RIMBP2: variants seen among roughly 807,000 people sequenced by gnomAD.
RIMBP2 encodes RIMS binding protein 2.
In RIMBP2, 48 loss-of-function variants were observed where a neutral mutation model predicts 118.6. That is an observed-to-expected ratio of 0.40 (90% CI 0.32 to 0.51). RIMBP2 has a LOEUF of 0.51. RIMBP2 is among the 20% of genes least tolerant of loss of function. RIMBP2 has a pLI of 0.41. For synonymous variants in RIMBP2, 762 were observed against 742.9 expected, an observed-to-expected ratio of 1.03 and a Z score of -0.42; for missense variants, 1,551 against 1,768.3, an observed-to-expected ratio of 0.88 and a Z score of 2.20.
chr12:130,673,030 A>G (rs1003397061), intron 1 of RIMBP2, among the ~76,000 whole-genome samples: 1 of 89,028 alleles, frequency 1.1e-5, no homozygotes, highest in African/African-American at 3.5e-5. Flanking sequence ...GAGAAAGAAC[A>G]GTCTGTCTCA....
At chr12:130,587,573 G>C (rs1261790232) in intron 2 of RIMBP2, among the ~76,000 whole-genome samples, 1 of 87,148 alleles carries the variant, frequency 1.1e-5, no homozygotes, top group Admixed American at 1.3e-4. Flanking sequence ...GTAAACTATC[G>C]CAAGAACAAA....
At chr12:130,513,937 T>G (rs946585713) in intron 3 of RIMBP2, among the ~76,000 whole-genome samples, 18 of 152,230 alleles carry the variant, frequency 1.2e-4, no homozygotes, top group African/African-American at 4.3e-4. Context: ...TTTCTGCAGG[T>G]TTGCATTGAC....
At chr12:130,680,425 A>G (rs1263250089) in intron 1 of RIMBP2, among the ~76,000 whole-genome samples, 1 of 152,222 alleles carries the variant, frequency 6.6e-6, no homozygotes, top group Non-Finnish European at 1.5e-5. Flanking sequence ...CATGTTGTTC[A>G]GTGAGAAAAG....
chr12:130,575,526 T>C (rs1254498456), intron 2 of RIMBP2, among the ~76,000 whole-genome samples: 1 of 152,208 alleles, frequency 6.6e-6, no homozygotes, highest in Non-Finnish European at 1.5e-5. Flanking sequence ...TTACAGTGTA[T>C]GCATTCACCT....
chr12:130,432,365 A>G (rs1002143354), intron 14 of RIMBP2: 10 of 453,290 alleles, frequency 2.2e-5, no homozygotes, highest in Non-Finnish European at 4.4e-5. Context: ...AGCACTTACT[A>G]CTTGCCAGTT....
intron 1 of RIMBP2, among the ~76,000 whole-genome samples, chr12:130,699,694 A>G (rs1276269082): frequency 2.0e-5 from 3 of 151,994 alleles, no homozygotes; most frequent in South Asian, 4.2e-4. Flanking sequence ...AAACCTGCAC[A>G]TTGTGCACAT....
Position 130,428,237 on chromosome 12 carries a change from A to G in RIMBP2, c.2354T>C (p.Met785Thr). Residue 785 changes from methionine to threonine, a missense_variant, in exon 15 of 23, where the codon ATG (methionine) becomes ACG (threonine). Around this residue, in one of 5 missense-constraint regions of RIMBP2, gnomAD observed 1,038 missense variants for 1,125.1 expected, o/e 0.92. Coordinates refer to ENST00000690449, the MANE Select transcript of RIMBP2 (RefSeq NM_001393629.1). ...EEDEEELYSEMQLEDGGRRRP... is the reference protein window; with the variant it reads ...EEDEEELYSETQLEDGGRRRP... ...CCTCCTTCCCCCATCTTCCAGCTGC[A>G]TTTCAGAATACAGCTCCTCCTCGTC... is the stretch of plus-strand genomic sequence containing the variant. 6.2e-7 allele frequency: 1 copy of G among 1,613,284 alleles called. No individual in the cohort carries two copies. Among genetic ancestry groups the G allele is most frequent in the Non-Finnish European group, 8.5e-7 (1 of 1,179,656 alleles).
intron 17 of RIMBP2, among the ~76,000 whole-genome samples, chr12:130,418,380 C>T (rs578124860): frequency 1.1e-4 from 16 of 152,258 alleles, no homozygotes; most frequent in African/African-American, 3.4e-4. Context: ...GAATGTGAAG[C>T]GCTCCATGGC....
rs112766390 is a variant in RIMBP2, at chr12:130,562,394, G to A, written c.-216-44477C>T. Among the ~76,000 whole-genome samples the A allele has an allele frequency of 4.5e-3, 693 of 152,330 alleles. 2 individuals carry two copies. Among genetic ancestry groups the A allele is most frequent in the Middle Eastern group, 0.01 (3 of 294 alleles). On this transcript the variant is annotated intron_variant, in intron 2 of 22. Coordinates refer to ENST00000690449, the MANE Select transcript of RIMBP2 (RefSeq NM_001393629.1). ...CTGGCATAGATCAGCCTTCAGGAAT[G>A]ACTTGATCCAGGGACCCTACCTGGC... is the stretch of plus-strand genomic sequence containing the variant.
chr12:130,664,519 G>C (rs964049051), intron 1 of RIMBP2, among the ~76,000 whole-genome samples: 1 of 150,996 alleles, frequency 6.6e-6, no homozygotes, highest in African/African-American at 2.5e-5. Context: ...TCGACTACAG[G>C]ACCTGGAGGT....
intron 1 of RIMBP2, among the ~76,000 whole-genome samples, chr12:130,643,422 C>T (rs558279038): frequency 6.6e-6 from 1 of 152,258 alleles, no homozygotes; most frequent in Non-Finnish European, 1.5e-5. Flanking sequence ...ACCATGGAAG[C>T]ACAGAGATGA....
chr12:130,629,607 TAGAC>T (rs1473700845), intron 1 of RIMBP2, among the ~76,000 whole-genome samples: 9 of 152,070 alleles, frequency 5.9e-5, no homozygotes, highest in African/African-American at 2.2e-4. Flanking sequence ...AAACAGAAAT[TAGAC>T]AGTCCACCTG....
At chr12:130,671,240 T>C (rs1487608) in intron 1 of RIMBP2, among the ~76,000 whole-genome samples, 96,637 of 151,954 alleles carry the variant, frequency 0.64, 30,908 homozygotes, top group Non-Finnish European at 0.68. Flanking sequence ...CTTCCCACTT[T>C]CAGACTTCTG....
At chr12:130,401,620 TA>T (rs1286130064) in intron 21 of RIMBP2, among the ~76,000 whole-genome samples, 1 of 151,858 alleles carries the variant, frequency 6.6e-6, no homozygotes, top group Non-Finnish European at 1.5e-5. Context: ...GCTCCATTAT[TA>T]GCTTATTTTT....
chr12:130,561,050 T>C (rs923253352), intron 2 of RIMBP2, among the ~76,000 whole-genome samples: 2 of 151,988 alleles, frequency 1.3e-5, no homozygotes, highest in African/African-American at 2.4e-5. Context: ...GAGAACGCCA[T>C]GGGAAGATAA....
intron 7 of RIMBP2, among the ~76,000 whole-genome samples, chr12:130,451,563 C>G (rs928883844): frequency 4.6e-5 from 7 of 152,204 alleles, no homozygotes; most frequent in African/African-American, 1.4e-4. Flanking sequence ...CTGGCGGTAA[C>G]GCTGTTTGGG....
At chr12:130,556,258 G>A (rs749112201) in intron 2 of RIMBP2, among the ~76,000 whole-genome samples, 1 of 152,218 alleles carries the variant, frequency 6.6e-6, no homozygotes, top group Non-Finnish European at 1.5e-5. Context: ...AAGAAGCACT[G>A]TGGCCCAGAC....
At chr12:130,597,613 C>A (rs944381722) in intron 2 of RIMBP2, among the ~76,000 whole-genome samples, 1 of 152,168 alleles carries the variant, frequency 6.6e-6, no homozygotes, top group South Asian at 2.1e-4. Context: ...AAAAATCAAT[C>A]GATGTCATTC....
At position 130,456,670 on chromosome 12, in the gene RIMBP2, G is replaced by A. The variant is rs373328136; in HGVS notation, c.184C>T (p.Arg62Trp). 12 of 1,609,052 alleles carry A rather than the reference G, an allele frequency of 7.5e-6. No individual in the cohort carries two copies. The highest frequency in any genetic ancestry group is 3.3e-5 in the Admixed American group (2 of 59,908). ...AGGTTGAACTGCTCACTTTGAGTCC[G>A]GCATTTCTCTTCCAGCTCTCGAACC... ...SKVRELEEKCRTQSEQFNLLS... is the reference protein window; with the variant it reads ...SKVRELEEKCWTQSEQFNLLS... The change falls in exon 7 of 23, where the codon CGG (arginine) becomes TGG (tryptophan). Residue 62 changes from arginine to tryptophan, a missense_variant. Physicochemically the swap from Arg to Trp is moderately radical, Grantham distance 101 (BLOSUM62 -3). This residue lies in a region of RIMBP2 where 239 missense variants were observed against 256.8 expected (regional missense o/e 0.93). Transcript: ENST00000690449.
Sources: gnomAD v4.1 joint callset for allele counts (sites outside exome capture counted in the v4.1 genomes callset) on GRCh38, gnomAD v4.1.1 for gene constraint, gnomAD v4.1.1 regional missense constraint, MANE v1.5 for transcripts, NCBI Gene and HGNC (gene_info 2026-07-23, HGNC 2026-07-21) for gene names.